Variants in TTC28 observed in about 807,000 individuals in gnomAD.
TTC28 encodes tetratricopeptide repeat protein 28.
A neutral mutation model predicts 198.0 loss-of-function variants in TTC28; 61 were observed. The ratio of observed to expected loss-of-function variants is 0.31; its 90% CI spans 0.25 to 0.38. The LOEUF (loss-of-function observed/expected upper bound fraction) is 0.38. Ranked by LOEUF, TTC28 falls within the 10% of genes least tolerant of loss-of-function variation. TTC28 has a pLI of 1.00. For synonymous variants in TTC28, 1,171 were observed against 1,297.8 expected (o/e 0.90, Z 2.10); for missense variants, 2,678 against 3,164.0 (o/e 0.85, Z 3.69).
intron 12 of TTC28, among the ~76,000 whole-genome samples, chr22:28,037,721 T>G (rs1442430350): frequency 6.6e-6 from 1 of 152,148 alleles, no homozygotes; most frequent in Non-Finnish European, 1.5e-5. Flanking sequence ...AAAGAGGAAG[T>G]CAAAGTGTCC....
At position 28,439,819 on chromosome 22, in the gene TTC28, T is replaced by C. The variant is rs574728357; in HGVS notation, c.382-133176A>G. 9.8e-5 allele frequency among the ~76,000 whole-genome samples: 15 copies of C among 152,296 alleles called. No individual in the cohort carries two copies. The South Asian group carries it at 1.0e-3, about 11-fold the overall frequency. ...TATTTTAAACTTTTCTGTGGTATGATTGACATATAAAAAGCTGTACACTTT... is the reference window on the plus strand; with the variant it reads ...TATTTTAAACTTTTCTGTGGTATGACTGACATATAAAAAGCTGTACACTTT... On this transcript the variant is annotated intron_variant, in intron 2 of 22. Transcript: ENST00000397906.
chr22:28,047,584 C>A (rs1480516765), intron 12 of TTC28, among the ~76,000 whole-genome samples: 1 of 152,142 alleles, frequency 6.6e-6, no homozygotes, highest in African/African-American at 2.4e-5. Flanking sequence ...CTAACAGGCC[C>A]AAAGTTCGCA....
chr22:28,565,414 C>T (rs143936607), intron 2 of TTC28, among the ~76,000 whole-genome samples: 13 of 152,290 alleles, frequency 8.5e-5, no homozygotes, highest in African/African-American at 2.9e-4. Context: ...TCCTTGATTA[C>T]ACATTTTGAT....
chr22:28,223,403 T>C (rs1215853842), intron 5 of TTC28, among the ~76,000 whole-genome samples: 4 of 152,224 alleles, frequency 2.6e-5, no homozygotes, highest in Non-Finnish European at 5.9e-5. Flanking sequence ...AAATTGAAAT[T>C]GAGAAAATAT....
chr22:28,648,170 G>A (rs1357249224), intron 1 of TTC28, among the ~76,000 whole-genome samples: 1 of 146,710 alleles, frequency 6.8e-6, no homozygotes, highest in Non-Finnish European at 1.5e-5. Context: ...CTTGCAGCGA[G>A]CCAAGATCGT....
intron 12 of TTC28, among the ~76,000 whole-genome samples, chr22:28,048,705 A>G (rs1939964259): frequency 6.6e-6 from 1 of 152,010 alleles, no homozygotes; most frequent in Admixed American, 6.6e-5. Flanking sequence ...ACACCAGTCT[A>G]GCTTTCAAAT....
At chr22:27,996,086 T>A in intron 17 of TTC28, 49 bp downstream of exon 17, 1 of 1,523,742 alleles carries the variant, frequency 6.6e-7, no homozygotes, top group South Asian at 1.2e-5. Flanking sequence ...TCCCCTTCTC[T>A]CACAGCACTG....
intron 12 of TTC28, among the ~76,000 whole-genome samples, chr22:28,084,006 T>C (rs1941464670): frequency 6.6e-6 from 1 of 152,174 alleles, no homozygotes; most frequent in Admixed American, 6.5e-5. Context: ...GTAAACAAAG[T>C]GGCCAGGAAG....
chr22:28,496,286 G>T (rs952138450), intron 2 of TTC28, among the ~76,000 whole-genome samples: 1 of 151,962 alleles, frequency 6.6e-6, no homozygotes, highest in Admixed American at 6.6e-5. Flanking sequence ...CTGAACTCCA[G>T]ATTGCTATAT....
intron 2 of TTC28, among the ~76,000 whole-genome samples, chr22:28,561,240 A>AT (rs1179980768): frequency 7.7e-5 from 11 of 143,554 alleles, no homozygotes; most frequent in South Asian, 2.2e-4. Flanking sequence ...CGCCCGGCCA[A>AT]TTTTTTTTTG....
At chr22:28,079,481 G>A (rs1941269470) in intron 12 of TTC28, among the ~76,000 whole-genome samples, 1 of 151,900 alleles carries the variant, frequency 6.6e-6, no homozygotes, top group Admixed American at 6.6e-5. Flanking sequence ...TAAAACTGAA[G>A]CCCTATATCC....
chr22:28,626,953 T>C (rs1006453008), intron 2 of TTC28, among the ~76,000 whole-genome samples: 3 of 151,844 alleles, frequency 2.0e-5, no homozygotes, highest in African/African-American at 7.3e-5. Context: ...CCAGGAGAAG[T>C]AGAAATGATA....
At chr22:28,240,577 C>T (rs1929591491) in intron 5 of TTC28, among the ~76,000 whole-genome samples, 1 of 152,056 alleles carries the variant, frequency 6.6e-6, no homozygotes, top group South Asian at 2.1e-4. Context: ...TTTTCCCTAG[C>T]TTAGTCTCCA....
chr22:28,365,780 A>T (rs1258406768), intron 2 of TTC28, among the ~76,000 whole-genome samples: 1 of 152,230 alleles, frequency 6.6e-6, no homozygotes, highest in Non-Finnish European at 1.5e-5. Context: ...GTCTATTAGA[A>T]ATATTGCCAA....
intron 12 of TTC28, among the ~76,000 whole-genome samples, chr22:28,064,613 TATA>T (rs1462222105): frequency 2.6e-5 from 4 of 152,080 alleles, no homozygotes. Flanking sequence ...AAATATCATA[TATA>T]ATAATATTTT....
At chr22:28,239,985 G>A (rs1422041787) in intron 5 of TTC28, among the ~76,000 whole-genome samples, 3 of 152,150 alleles carry the variant, frequency 2.0e-5, no homozygotes, top group South Asian at 2.1e-4. Flanking sequence ...TTTGTTGTGG[G>A]AGCTGTCCTG....
At chr22:28,519,358 T>C (rs1485789015) in intron 2 of TTC28, among the ~76,000 whole-genome samples, 2 of 152,176 alleles carry the variant, frequency 1.3e-5, no homozygotes, top group Admixed American at 6.5e-5. Context: ...CATGAAACTA[T>C]GCCCCTAAAG....
chr22:28,591,141 C>G (rs1189808690), intron 2 of TTC28, among the ~76,000 whole-genome samples: 1 of 146,800 alleles, frequency 6.8e-6, no homozygotes, highest in African/African-American at 2.5e-5. Flanking sequence ...CAGGATCTCA[C>G]TCTGTCACCT....
At chr22:28,364,457 T>C (rs1194582664) in intron 2 of TTC28, among the ~76,000 whole-genome samples, 2 of 152,208 alleles carry the variant, frequency 1.3e-5, no homozygotes, top group African/African-American at 4.8e-5. Flanking sequence ...TTAAGTCTTA[T>C]TATTTAAAAA....
Sources: gnomAD v4.1 joint callset for allele counts (sites outside exome capture counted in the v4.1 genomes callset) on GRCh38, gnomAD v4.1.1 for gene constraint, MANE v1.5 for transcripts, NCBI Gene and HGNC (gene_info 2026-07-23, HGNC 2026-07-21) for gene names.